The following RPA3 variants were observed in gnomAD, a reference collection of about 807,000 sequenced individuals.
The protein encoded by RPA3 is replication protein A 14 kDa subunit.
RPA3 carries 24 observed loss-of-function variants against 13.7 expected under a neutral mutation model. The ratio of observed to expected loss-of-function variants is 1.75; its 90% confidence interval spans 1.27 to 2.46. The LOEUF is 2.46. Ranked by LOEUF, RPA3 falls within the 30% of genes most tolerant of loss-of-function variation. The pLI is 0.00. For synonymous variants in RPA3, 59 were observed against 51.2 expected, an observed-to-expected ratio of 1.15 and a Z score of -0.65; for missense variants, 183 against 151.0, an observed-to-expected ratio of 1.21 and a Z score of -1.11.
intron 4 of RPA3, among the ~76,000 whole-genome samples, chr7:7,657,392 C>G: frequency 6.6e-6 from 1 of 152,184 alleles, no homozygotes; most frequent in East Asian, 1.9e-4. Context: ...TTGCCCATGC[C>G]TATGTCCTGA....
At chr7:7,654,297 A>G (rs1785292470) in intron 4 of RPA3, among the ~76,000 whole-genome samples, 1 of 152,250 alleles carries the variant, frequency 6.6e-6, no homozygotes, top group African/African-American at 2.4e-5. Context: ...AAGTGAGGCC[A>G]TCTGTATTCA....
intron 4 of RPA3, among the ~76,000 whole-genome samples, chr7:7,677,924 C>T (rs976140668): frequency 2.6e-5 from 4 of 151,776 alleles, no homozygotes; most frequent in Non-Finnish European, 2.9e-5. Context: ...CCGCCCGCCT[C>T]GGCCTCCCAA....
At chr7:7,660,812 GTGT>G in intron 4 of RPA3, among the ~76,000 whole-genome samples, 1 of 152,234 alleles carries the variant, frequency 6.6e-6, no homozygotes, top group Admixed American at 6.5e-5. Flanking sequence ...TATCTTTGTG[GTGT>G]TCTCTGTATT....
chr7:7,706,380 A>T (rs1400469184), intron 2 of RPA3, among the ~76,000 whole-genome samples: 1 of 152,068 alleles, frequency 6.6e-6, no homozygotes, highest in Non-Finnish European at 1.5e-5. Flanking sequence ...TGATTGGAAG[A>T]GAGAGAGAGA....
intron 2 of RPA3, among the ~76,000 whole-genome samples, chr7:7,712,234 A>G (rs1188702440): frequency 9.9e-5 from 15 of 152,156 alleles, no homozygotes; most frequent in Admixed American, 8.5e-4. Context: ...CAGATGGATA[A>G]TCACTCAAAC....
intron 2 of RPA3, among the ~76,000 whole-genome samples, chr7:7,706,286 A>T (rs1004020833): frequency 6.6e-6 from 1 of 152,146 alleles, no homozygotes; most frequent in African/African-American, 2.4e-5. Context: ...GTTGGTACAG[A>T]TTTTGGGAAA....
rs974792190 is a variant in RPA3, at chr7:7,654,715, C to T, written c.-757-13540G>A. ...GCTAGGAGTTCGAGACCAGCCTGGC[C>T]AATATGGTGAAACCCCATCTCTACT... On this transcript the variant is annotated intron_variant, in intron 4 of 7. Coordinates refer to ENST00000223129, the MANE Select transcript of RPA3 (RefSeq NM_002947.5). Among the ~76,000 whole-genome samples, 6 of 152,046 alleles carry T rather than the reference C, an allele frequency of 3.9e-5. No individual in the cohort carries two copies. In the East Asian group the frequency reaches 9.6e-4, roughly 24 times the overall value.
At chr7:7,666,344 C>G (rs930791387) in intron 4 of RPA3, among the ~76,000 whole-genome samples, 1 of 151,968 alleles carries the variant, frequency 6.6e-6, no homozygotes, top group South Asian at 2.1e-4. Flanking sequence ...GCTGGGACCT[C>G]AGGCACACGC....
rs1453521427 is a variant in RPA3, at chr7:7,680,581, CTT to C, written c.-758+5247_-758+5248del. ...TTTTTTCCATTTCTGTGAAGAATGT[CTT>C]TGGTATTTTGATAGTGATTGCATTG... On this transcript the variant is annotated intron_variant, in intron 4 of 7. Transcript: ENST00000223129. 2.0e-5 allele frequency among the ~76,000 whole-genome samples: 3 copies of C among 151,946 alleles called. No individual in the cohort carries two copies. The East Asian group carries it at 5.8e-4, about 29-fold the overall frequency.
At chr7:7,644,152 C>T (rs756328056) in intron 4 of RPA3, among the ~76,000 whole-genome samples, 10 of 151,986 alleles carry the variant, frequency 6.6e-5, no homozygotes, top group Admixed American at 1.3e-4. Context: ...GTTTTTTTGT[C>T]GTGACCCTAA....
intron 4 of RPA3, among the ~76,000 whole-genome samples, chr7:7,657,241 A>T: frequency 7.1e-6 from 1 of 140,666 alleles, no homozygotes; most frequent in East Asian, 2.8e-4. Context: ...GATCACAAAA[A>T]TTTTCTCCCT....
At position 7,675,470 on chromosome 7, in the gene RPA3, C is replaced by G. The variant is rs185029627; in HGVS notation, c.-758+10360G>C. Among the ~76,000 whole-genome samples, 4 of 152,230 alleles carry G rather than the reference C, an allele frequency of 2.6e-5. No individual in the cohort carries two copies. In the East Asian group the frequency reaches 7.7e-4, roughly 29 times the overall value. ...GTCTTGTAGCTATCTCAGTAGAAGC[C>G]CAGTTTCCAGGGCCTTCTGCCTCCG... is the stretch of plus-strand genomic sequence containing the variant. On this transcript the variant is annotated intron_variant, in intron 4 of 7. Coordinates refer to ENST00000223129, the MANE Select transcript of RPA3 (RefSeq NM_002947.5).
At chr7:7,709,051 C>T (rs923645853) in intron 2 of RPA3, among the ~76,000 whole-genome samples, 1 of 151,914 alleles carries the variant, frequency 6.6e-6, no homozygotes, top group Non-Finnish European at 1.5e-5. Context: ...ATTAAAAATA[C>T]CAATTAACTA....
intron 4 of RPA3, among the ~76,000 whole-genome samples, chr7:7,646,629 CAG>C (rs1390161486): frequency 6.6e-6 from 1 of 151,814 alleles, no homozygotes; most frequent in East Asian, 1.9e-4. Flanking sequence ...TACCCAGTCT[CAG>C]GGGTGTCTTT....
chr7:7,695,553 A>G (rs977668972), intron 2 of RPA3, among the ~76,000 whole-genome samples: 2 of 152,314 alleles, frequency 1.3e-5, no homozygotes, highest in East Asian at 3.9e-4. Context: ...CAGAGCAAGA[A>G]CACTCAAGCT....
At chr7:7,655,142 A>C (rs1433799933) in intron 4 of RPA3, among the ~76,000 whole-genome samples, 1 of 152,124 alleles carries the variant, frequency 6.6e-6, no homozygotes, top group East Asian at 1.9e-4. Context: ...AATGATGAGT[A>C]GCTGGCAGTT....
At chr7:7,646,905 GC>G (rs1457022388) in intron 4 of RPA3, among the ~76,000 whole-genome samples, 4 of 152,234 alleles carry the variant, frequency 2.6e-5, no homozygotes, top group African/African-American at 9.6e-5. Context: ...GGGCCAAAAG[GC>G]AACATTTGGG....
chr7:7,717,402 T>A (rs909976510), intron 1 of RPA3, among the ~76,000 whole-genome samples: 2 of 152,192 alleles, frequency 1.3e-5, no homozygotes, highest in Non-Finnish European at 2.9e-5. Flanking sequence ...AACTCACTCC[T>A]TGTGTGTCCT....
chr7:7,715,012 G>C (rs1434903144), intron 2 of RPA3, among the ~76,000 whole-genome samples, 163 bp downstream of exon 2: 3 of 151,942 alleles, frequency 2.0e-5, no homozygotes, highest in Admixed American at 1.3e-4. Context: ...AATGAAACTA[G>C]AACTAACCAA....
Sources: gnomAD v4.1 joint callset for allele counts (sites outside exome capture counted in the v4.1 genomes callset) on GRCh38, gnomAD v4.1.1 for gene constraint, MANE v1.5 for transcripts, NCBI Gene and HGNC (gene_info 2026-07-23, HGNC 2026-07-21) for gene names.